The following CEP112 variants were observed in gnomAD, a reference collection of about 807,000 sequenced individuals.
CEP112 encodes centrosomal protein of 112 kDa.
CEP112 carries 127 observed loss-of-function variants against 153.0 expected under a neutral mutation model. The observed-to-expected ratio is 0.83, with a 90% confidence interval of 0.72 to 0.96. The LOEUF is 0.96. Ranked by LOEUF, CEP112 falls within the 40% of genes least tolerant of loss-of-function variation. The probability of loss-of-function intolerance (pLI) is 0.00; values close to 1 mark genes in which losing one functional copy is unlikely to be tolerated. For missense variants in CEP112, 1,089 were observed against 1,101.2 expected, an observed-to-expected ratio of 0.99 and a Z score of 0.16; for synonymous variants, 358 against 374.4, an observed-to-expected ratio of 0.96 and a Z score of 0.51.
intron 20 of CEP112, among the ~76,000 whole-genome samples, chr17:65,874,823 A>T (rs1253284537): frequency 6.6e-6 from 1 of 152,102 alleles, no homozygotes; most frequent in African/African-American, 2.4e-5. Flanking sequence ...TACAAGGATT[A>T]TCTAATGTAT....
At chr17:65,669,869 C>G (rs1372149896) in intron 24 of CEP112, among the ~76,000 whole-genome samples, 3 of 149,588 alleles carry the variant, frequency 2.0e-5, no homozygotes, top group East Asian at 3.9e-4. Context: ...CGCCACTGCA[C>G]TCCAGCCTGG....
At position 66,177,037 on chromosome 17, in the gene CEP112, AC is replaced by A. The variant is rs1555823362; in HGVS notation, c.107-18del. 10 of 1,566,198 alleles carry A rather than the reference AC, an allele frequency of 6.4e-6. No homozygotes were observed. The highest frequency in any genetic ancestry group is 7.8e-6 in the Non-Finnish European group (9 of 1,160,630). On this transcript the variant is annotated intron_variant, in intron 2 of 26. Transcript: ENST00000535342. Reference sequence around the variant, plus strand: ...TCTGCCGTTCTATAAATACAGAAGAACTATTAGAAATTTTATTTTTTATAAA... The same window carrying A: ...TCTGCCGTTCTATAAATACAGAAGAATATTAGAAATTTTATTTTTTATAAA...
At chr17:66,112,469 G>A (rs1320773386) in intron 6 of CEP112, among the ~76,000 whole-genome samples, 4 of 151,934 alleles carry the variant, frequency 2.6e-5, no homozygotes, top group Non-Finnish European at 5.9e-5. Flanking sequence ...TCACAATGCG[G>A]TGATATTTTA....
At chr17:65,690,138 A>AAAAAAAAAAAAAAAAAAAAAAC (rs1567868525) in intron 23 of CEP112, among the ~76,000 whole-genome samples, 1 of 126,238 alleles carries the variant, frequency 7.9e-6, no homozygotes, top group African/African-American at 3.1e-5. Context: ...AAAAAAAAAA[A>AAAAAAAAAAAAAAAAAAAAAAC]CTCCGGTCGG....
chr17:65,994,897 T>C (rs968730529), intron 17 of CEP112, among the ~76,000 whole-genome samples: 10 of 152,196 alleles, frequency 6.6e-5, no homozygotes, highest in Middle Eastern at 3.4e-3. Flanking sequence ...TCTGGTGCCA[T>C]TGGCCTAATC....
chr17:65,948,646 A>C (rs185107277), intron 18 of CEP112, among the ~76,000 whole-genome samples: 55 of 152,080 alleles, frequency 3.6e-4, no homozygotes, highest in Non-Finnish European at 7.1e-4. Context: ...AAATATGTAC[A>C]TTTTACACAG....
chr17:65,831,541 A>T (rs1446967522), intron 21 of CEP112, among the ~76,000 whole-genome samples: 2 of 150,586 alleles, frequency 1.3e-5, no homozygotes, highest in African/African-American at 4.9e-5. Flanking sequence ...TGGGCGACAG[A>T]GTGAGACTCC....
intron 21 of CEP112, among the ~76,000 whole-genome samples, chr17:65,798,271 A>G (rs2055053844): frequency 6.6e-6 from 1 of 152,172 alleles, no homozygotes; most frequent in Admixed American, 6.5e-5. Context: ...TATATTTATA[A>G]CTTCAAAAAT....
rs57907674 is a variant in CEP112, at chr17:65,679,129, C to CTTTTTTTT, written c.2697+9992_2697+9999dup. ...AATGTCCTTGACACTGTGGTTCAAG[C>CTTTTTTTT]TTTTTTTTTTTTTTTTTTTTTTTTT... is the stretch of plus-strand genomic sequence containing the variant. On this transcript the variant is annotated intron_variant, in intron 24 of 26. Transcript: ENST00000535342. Among the ~76,000 whole-genome samples, 47 of 31,630 alleles carry CTTTTTTTT rather than the reference C, an allele frequency of 1.5e-3. 19 individuals are homozygous for CTTTTTTTT. Among genetic ancestry groups the CTTTTTTTT allele is most frequent in the South Asian group, 2.8e-3 (2 of 718 alleles). The allele number at this position is 31,630 out of a possible 152,430, so 20.8% of individuals were successfully genotyped here.
At chr17:65,740,644 A>G (rs2051074958) in intron 23 of CEP112, among the ~76,000 whole-genome samples, 1 of 152,188 alleles carries the variant, frequency 6.6e-6, no homozygotes, top group Admixed American at 6.5e-5. Flanking sequence ...AGCTTGAAAG[A>G]GGTCAGTTCA....
chr17:66,041,585 G>A (rs28702898), intron 12 of CEP112, among the ~76,000 whole-genome samples: 78,431 of 151,950 alleles, frequency 0.52, 21,121 homozygotes, highest in African/African-American at 0.59. Flanking sequence ...TACCCCAACC[G>A]CAGCATGCAT....
At chr17:65,830,878 A>C (rs1168492560) in intron 21 of CEP112, among the ~76,000 whole-genome samples, 1 of 152,156 alleles carries the variant, frequency 6.6e-6, no homozygotes, top group East Asian at 1.9e-4. Context: ...AGTGGCAGGC[A>C]GTGATTTTGT....
intron 24 of CEP112, among the ~76,000 whole-genome samples, chr17:65,648,759 A>C (rs1598188108): frequency 6.6e-6 from 1 of 152,156 alleles, no homozygotes; most frequent in East Asian, 1.9e-4. Context: ...TATTCAAAAA[A>C]CACCACATTG....
In CEP112 at chr17:65,703,696, A is replaced by G. The variant is rs539099179; in HGVS notation, c.2608-14478T>C. On this transcript the variant is annotated intron_variant, in intron 23 of 26. Transcript: ENST00000535342. ...GAGCTCTGTGGGTCTTATCTTCATCATATCTAGAATGCCATTCTCCTGCTA... is the reference window on the plus strand; with the variant it reads ...GAGCTCTGTGGGTCTTATCTTCATCGTATCTAGAATGCCATTCTCCTGCTA... 4.1e-5 allele frequency among the ~76,000 whole-genome samples: 6 copies of G among 146,176 alleles called. No homozygotes were observed. In the East Asian group the frequency reaches 8.0e-4, roughly 19 times the overall value.
intron 22 of CEP112, among the ~76,000 whole-genome samples, chr17:65,746,430 T>C (rs1186723567): frequency 2.0e-5 from 3 of 152,028 alleles, no homozygotes; most frequent in Non-Finnish European, 2.9e-5. Context: ...GCTAGATAAA[T>C]AGATAAATTA....
At chr17:65,812,838 A>G (rs1228799350) in intron 21 of CEP112, among the ~76,000 whole-genome samples, 1 of 152,230 alleles carries the variant, frequency 6.6e-6, no homozygotes, top group African/African-American at 2.4e-5. Context: ...ATTAAAAAAA[A>G]GAAGTAACAC....
At chr17:66,003,546 G>A (rs1440009672) in intron 17 of CEP112, among the ~76,000 whole-genome samples, 1 of 152,162 alleles carries the variant, frequency 6.6e-6, no homozygotes, top group Non-Finnish European at 1.5e-5. Context: ...ATCTTGAGCT[G>A]TCTTCTAAAC....
At chr17:65,826,085 A>AT (rs2056825195) in intron 21 of CEP112, 1 of 1,575,520 alleles carries the variant, frequency 6.3e-7, no homozygotes, top group Non-Finnish European at 8.7e-7. Flanking sequence ...AATGAGATTT[A>AT]TTTTTTCAGC....
intron 4 of CEP112, among the ~76,000 whole-genome samples, chr17:66,167,698 T>C (rs2072038070): frequency 1.3e-5 from 2 of 152,202 alleles, no homozygotes; most frequent in Non-Finnish European, 2.9e-5. Context: ...TATGATACAC[T>C]AGAAAGAACA....
Sources: allele counts gnomAD v4.1 joint callset (sites outside exome capture counted in the v4.1 genomes callset), GRCh38; gene constraint gnomAD v4.1.1; transcripts MANE v1.5; gene names NCBI Gene and HGNC (gene_info 2026-07-23, HGNC 2026-07-21).